Variants in RGL1 observed in about 807,000 individuals in gnomAD.
RGL1 encodes the protein ral guanine nucleotide dissociation stimulator-like 1.
A neutral mutation model predicts 95.2 loss-of-function variants in RGL1; 24 were observed. That is an observed-to-expected ratio of 0.25 (90% CI 0.18 to 0.35). RGL1 has a LOEUF of 0.35. RGL1 is among the 10% of genes least tolerant of loss of function. The probability of loss-of-function intolerance (pLI) is 1.00; values close to 1 mark genes in which losing one functional copy is unlikely to be tolerated. For missense variants in RGL1, 715 were observed against 936.3 expected (o/e 0.76, Z 3.08); for synonymous variants, 329 against 344.9 (o/e 0.95, Z 0.51).
At position 183,806,366 on chromosome 1, in the gene RGL1, C is replaced by A. The variant is rs767525988; in HGVS notation, c.28-9C>A. ...CTCTTTTTCTTTCTCTTTATCCCGT[C>A]CCTGGCAGAGCTCGATTCAGGACTG... On this transcript the variant is annotated splice_polypyrimidine_tract_variant and intron_variant, in intron 1 of 17. Transcript: ENST00000360851. 1.2e-6 allele frequency: 2 copies of A among 1,605,828 alleles called. No homozygotes were observed. Among genetic ancestry groups the A allele is most frequent in the South Asian group, 2.2e-5 (2 of 90,872 alleles).
At chr1:183,909,329 T>G (rs917326687) in intron 14 of RGL1, among the ~76,000 whole-genome samples, 1 of 152,194 alleles carries the variant, frequency 6.6e-6, no homozygotes, top group Non-Finnish European at 1.5e-5. Flanking sequence ...TTAGGCCTAG[T>G]TTGAAAGTTA....
At chr1:183,923,398 C>A (rs1669424267) in intron 17 of RGL1, among the ~76,000 whole-genome samples, 1 of 152,210 alleles carries the variant, frequency 6.6e-6, no homozygotes, top group South Asian at 2.1e-4. Flanking sequence ...TTCAGCTGAG[C>A]CTTAGGCTGT....
chr1:183,737,002 C>T (rs138310378), intron 1 of RGL1, among the ~76,000 whole-genome samples: 132 of 152,192 alleles, frequency 8.7e-4, no homozygotes, highest in Non-Finnish European at 1.5e-3. Context: ...AGGGATGTCT[C>T]ATATGCTATT....
intron 4 of RGL1, among the ~76,000 whole-genome samples, chr1:183,878,342 G>A (rs184864226): frequency 5.5e-4 from 83 of 152,058 alleles, no homozygotes; most frequent in Non-Finnish European, 9.4e-4. Flanking sequence ...GACTACAGGC[G>A]TGTACCACCA....
At chr1:183,707,793 G>C (rs985871062) in intron 1 of RGL1, among the ~76,000 whole-genome samples, 7 of 152,178 alleles carry the variant, frequency 4.6e-5, no homozygotes, top group South Asian at 2.1e-4. Context: ...GGAGGCTTGG[G>C]GGTTAAAGAA....
intron 1 of RGL1, among the ~76,000 whole-genome samples, chr1:183,654,331 G>A (rs1462323815): frequency 6.6e-6 from 1 of 152,132 alleles, no homozygotes; most frequent in East Asian, 1.9e-4. Flanking sequence ...AGTTTGCCAT[G>A]GGTCATCCCT....
chr1:183,820,993 C>CGTG (rs1662446658), intron 2 of RGL1, among the ~76,000 whole-genome samples: 1 of 151,788 alleles, frequency 6.6e-6, no homozygotes, highest in Non-Finnish European at 1.5e-5. Context: ...ATTAGCTGGG[C>CGTG]GTGGTGGTGG....
At chr1:183,743,371 C>CAAGAACTTCAA (rs6143516) in intron 2 of RGL1, among the ~76,000 whole-genome samples, 2 of 151,486 alleles carry the variant, frequency 1.3e-5, no homozygotes, top group South Asian at 4.1e-4. Context: ...GGTAGCAAAG[C>CAAGAACTTCAA]AACAACTAAG....
chr1:183,685,947 C>A (rs1211253403), intron 1 of RGL1, among the ~76,000 whole-genome samples: 1 of 152,194 alleles, frequency 6.6e-6, no homozygotes, highest in Admixed American at 6.5e-5. Context: ...TCCCCAGCAC[C>A]TTGCAAAAAT....
At chr1:183,920,988 T>G (rs2102756787) in intron 16 of RGL1, among the ~76,000 whole-genome samples, 1 of 152,338 alleles carries the variant, frequency 6.6e-6, no homozygotes, top group Admixed American at 6.5e-5. Flanking sequence ...TGGGGGGCTT[T>G]CTTTCTATAG....
chr1:183,670,332 C>A (rs1288356359), intron 1 of RGL1, among the ~76,000 whole-genome samples: 1 of 152,174 alleles, frequency 6.6e-6, no homozygotes, highest in African/African-American at 2.4e-5. Flanking sequence ...CTTCTGAGGC[C>A]AGGCTTTCTT....
intron 1 of RGL1, among the ~76,000 whole-genome samples, chr1:183,730,612 G>A (rs1656575540): frequency 6.6e-6 from 1 of 152,108 alleles, no homozygotes; most frequent in South Asian, 2.1e-4. Context: ...CATTATACAT[G>A]GAAGGCTAGT....
chr1:183,835,940 G>A (rs529916634), intron 2 of RGL1, among the ~76,000 whole-genome samples: 1 of 152,264 alleles, frequency 6.6e-6, no homozygotes, highest in Admixed American at 6.5e-5. Context: ...ATTGCTTTGT[G>A]TTTTTAGGGA....
rs191414417 is a variant in RGL1, at chr1:183,708,349, T to C, written c.-32-33777T>C. On this transcript the variant is annotated intron_variant, in intron 1 of 18. Coordinates refer to the RGL1 transcript ENST00000304685. ...GCTGCCTTTTTCAAGGCCTTGTTCA[T>C]GTTCCCTTCCCCCTCACTGATCTCT... Among the ~76,000 whole-genome samples, 350 of 152,292 alleles carry C rather than the reference T, an allele frequency of 2.3e-3. 2 individuals are homozygous for C. The highest frequency in any genetic ancestry group is 4.0e-3 in the Non-Finnish European group (275 of 68,020).
chr1:183,665,979 T>A (rs1163731150), intron 1 of RGL1, among the ~76,000 whole-genome samples: 1 of 151,826 alleles, frequency 6.6e-6, no homozygotes, highest in South Asian at 2.1e-4. Context: ...AAAGCCTAGA[T>A]GATTGACTGA....
chr1:183,761,174 A>T (rs1221009892), intron 2 of RGL1, among the ~76,000 whole-genome samples: 3 of 152,204 alleles, frequency 2.0e-5, no homozygotes, highest in African/African-American at 7.2e-5. Context: ...AGAATGGTGA[A>T]TCCTTTCCAA....
Position 183,847,624 on chromosome 1 carries a change from TCAGGAC to T in RGL1, c.200_205del (p.Arg67_Thr68del). ...GTCAGTCAATATGAAACCTGTAAGA[TCAGGAC>T]CATAAAAGCTGGCACCTTGGAGAAG... On this transcript the variant is annotated inframe_deletion, in exon 3 of 18. Transcript: ENST00000360851. The T allele has an allele frequency of 1.2e-6, 2 of 1,614,090 alleles. No homozygotes were observed.
chr1:183,728,423 A>C (rs1352542796), intron 1 of RGL1, among the ~76,000 whole-genome samples: 2 of 152,124 alleles, frequency 1.3e-5, no homozygotes, highest in Non-Finnish European at 2.9e-5. Context: ...TCCTCTGGAG[A>C]ACCCTGACCA....
intron 2 of RGL1, among the ~76,000 whole-genome samples, chr1:183,797,172 A>T (rs1173935300): frequency 1.3e-5 from 2 of 152,048 alleles, no homozygotes; most frequent in African/African-American, 4.8e-5. Context: ...TCTATAAAAA[A>T]TACAAAATTA....
Sources: gnomAD v4.1 joint callset for allele counts (sites outside exome capture counted in the v4.1 genomes callset) on GRCh38, gnomAD v4.1.1 for gene constraint, MANE v1.5 for transcripts, NCBI Gene and HGNC (gene_info 2026-07-23, HGNC 2026-07-21) for gene names.